Variants in TMEM120A observed in about 807,000 individuals in gnomAD.
TMEM120A encodes the protein ion channel TACAN.
Under a neutral mutation model 54.3 loss-of-function variants are expected in TMEM120A, and 45 were observed. That is an observed-to-expected ratio of 0.83 (90% confidence interval 0.65 to 1.06). The LOEUF is 1.06. TMEM120A is among the 50% of genes least tolerant of loss of function. The pLI is 0.00. For synonymous variants in TMEM120A, 204 were observed against 178.5 expected (o/e 1.14, Z -1.14); for missense variants, 424 against 441.7 (o/e 0.96, Z 0.36).
intron 1 of TMEM120A, 45 bp downstream of exon 1, chr7:75,994,445 C>T (rs1445306640): frequency 2.6e-6 from 4 of 1,519,650 alleles, no homozygotes; most frequent in East Asian, 2.5e-5. Context: ...CCTGAGCCAG[C>T]GAGACGCGGC....
chr7:75,992,354 G>C (rs1431448249), intron 2 of TMEM120A, 85 bp downstream of exon 2: 1 of 1,549,566 alleles, frequency 6.5e-7, no homozygotes, highest in African/African-American at 1.4e-5. Context: ...GGCCCAGAGA[G>C]GGGAGGGGCG....
chr7:75,987,738 T>C lies in TMEM120A; in HGVS notation c.764A>G (p.His255Arg). The stretch of plus-strand genomic sequence containing the variant: ...CTCACCCACAGTGAGGTCCATGGTG[T>C]GCCGCTCGCCCAGCGCCCGCAGGCG... ...LYRLRALGERHTMDLTVEGFQ... is the reference protein window; with the variant it reads ...LYRLRALGERRTMDLTVEGFQ... Residue 255 changes from histidine (H) to arginine (R), a missense_variant, in exon 9 of 12, where the codon CAC (histidine) becomes CGC (arginine). Physicochemically the swap from His to Arg is conservative, Grantham distance 29. Transcript: ENST00000493111. The C allele has an allele frequency of 6.2e-7, 1 of 1,612,330 alleles. No homozygotes were observed. Among genetic ancestry groups the C allele is most frequent in the Non-Finnish European group, 8.5e-7 (1 of 1,179,762 alleles).
intron 4 of TMEM120A, 88 bp downstream of exon 4, chr7:75,989,077 T>TGGAGGGATGGAGGTTGAGGGGG (rs1789719980): frequency 4.5e-6 from 1 of 222,182 alleles, no homozygotes; most frequent in Non-Finnish European, 8.5e-6. Context: ...GAAGGCTGGG[T>TGGAGGGATGGAGGTTGAGGGGG]GGAGGGGTGG....
At position 75,987,987 on chromosome 7, in the gene TMEM120A, A is replaced by G; in HGVS notation, c.630-3T>C. 5.0e-6 allele frequency: 8 copies of G among 1,599,688 alleles called. No individual in the cohort carries two copies. Among genetic ancestry groups the G allele is most frequent in the Non-Finnish European group, 6.8e-6 (8 of 1,173,732 alleles). ...TCTGGTACATGAGACCGTCGGGCCT[A>G]AGGTAAAAAGTGGAGGGCAGTGTGG... On this transcript the variant is annotated splice_region_variant and splice_polypyrimidine_tract_variant and intron_variant, in intron 7 of 11. Coordinates refer to ENST00000493111, the MANE Select transcript of TMEM120A (RefSeq NM_031925.3).
chr7:75,989,540 G>A (rs758384152), intron 3 of TMEM120A, among the ~76,000 whole-genome samples: 1 of 143,644 alleles, frequency 7.0e-6, no homozygotes, highest in African/African-American at 2.6e-5. Context: ...GCTGAGGGCC[G>A]TCCCCCTGTC....
In TMEM120A at chr7:75,988,571, C is replaced by A. The variant is rs542393996; in HGVS notation, c.378-55G>T. ...GGGTGCTGGTGGGGCCCATGTGTGC[C>A]CCCACCCCGGGAGGGCAGCTGAGCC... On this transcript the variant is annotated intron_variant, in intron 4 of 11. Transcript: ENST00000493111. 3 of 1,344,370 alleles carry A rather than the reference C, an allele frequency of 2.2e-6. No individual in the cohort carries two copies. In the African/African-American group the frequency reaches 5.2e-5, roughly 23 times the overall value. 83.3% of individuals were successfully genotyped at this position (1,344,370 alleles called of 1,614,324 possible).
chr7:75,994,122 G>A (rs1789959495), intron 1 of TMEM120A, among the ~76,000 whole-genome samples: 1 of 152,222 alleles, frequency 6.6e-6, no homozygotes, highest in African/African-American at 2.4e-5. Flanking sequence ...CCCCGACCTG[G>A]GCTGCCTCTC....
In TMEM120A at chr7:75,988,216, T is replaced by C. The variant is rs1789626919; in HGVS notation, c.563+36A>G. On this transcript the variant is annotated intron_variant, in intron 6 of 11. Transcript: ENST00000493111. Reference sequence around the variant, plus strand: ...TTCCCGGAGGGTCCTGGCACCCCATTCCATGCTCCCCTCCCTCAGGGCCCG... The same window carrying C: ...TTCCCGGAGGGTCCTGGCACCCCATCCCATGCTCCCCTCCCTCAGGGCCCG... 13 of 1,611,642 alleles carry C rather than the reference T, an allele frequency of 8.1e-6. No individual in the cohort carries two copies. The South Asian group carries it at 1.4e-4, about 18-fold the overall frequency.
rs200223794 is a variant in TMEM120A, at chr7:75,987,169, G to A, written c.*3C>T. 410 of 1,593,568 alleles carry A rather than the reference G, an allele frequency of 2.6e-4. No individual in the cohort carries two copies. Among genetic ancestry groups the A allele is most frequent in the Non-Finnish European group, 3.3e-4 (383 of 1,170,912 alleles). ...CTCTGGGCCGGCAGGGGAAGGCCCA[G>A]CCTCAATCCTTCTTGCTCCCGTGCC... On this transcript the variant is annotated 3_prime_UTR_variant, in exon 12 of 12. Transcript: ENST00000493111.
intron 3 of TMEM120A, among the ~76,000 whole-genome samples, chr7:75,991,397 T>A (rs1789839537): frequency 6.6e-6 from 1 of 152,038 alleles, no homozygotes; most frequent in African/African-American, 2.4e-5. Flanking sequence ...GCCTCATTTT[T>A]TTTATTTATT....
chr7:75,988,417 C>A lies in TMEM120A; in HGVS notation c.473+4G>T, dbSNP rs1029478910. 1 of 1,611,020 alleles carries A rather than the reference C, an allele frequency of 6.2e-7. No individual in the cohort carries two copies. On this transcript the variant is annotated splice_donor_region_variant and intron_variant, in intron 5 of 11. Transcript: ENST00000493111. ...TGGGTCCTCGGCCGGGGTGGGACGC[C>A]CACCTGGAGTTGAGCAGGAAGCGGC...
Position 75,992,195 on chromosome 7 carries a change from T to C in TMEM120A, c.266A>G (p.Glu89Gly), listed in dbSNP as rs782753035. The C allele has an allele frequency of 6.2e-7, 1 of 1,612,424 alleles. No homozygotes were observed. The change falls in exon 3 of 12, where the codon GAG (glutamate) becomes GGG (glycine). Residue 89 changes from glutamate to glycine, a missense_variant. Physicochemically the swap from Glu to Gly is moderately conservative, Grantham distance 98 (BLOSUM62 -2). Coordinates refer to ENST00000493111, the MANE Select transcript of TMEM120A (RefSeq NM_031925.3). Reference protein sequence around the residue: ...AAQELENQMKERQGLFFDMEA... With the variant: ...AAQELENQMKGRQGLFFDMEA... ...CATGTCAAAGAAGAGGCCTTGGCGC[T>C]CTTTCATCTGGTTCTCCAGCTCCTG...
Position 75,987,916 on chromosome 7 carries a change from C to T in TMEM120A, c.691+7G>A, listed in dbSNP as rs1554560392. The T allele has an allele frequency of 6.2e-7, 1 of 1,602,776 alleles. No individual in the cohort carries two copies. Among genetic ancestry groups the T allele is most frequent in the Non-Finnish European group, 8.5e-7 (1 of 1,175,234 alleles). On this transcript the variant is annotated splice_region_variant and intron_variant, in intron 8 of 11. Transcript: ENST00000493111. The stretch of plus-strand genomic sequence containing the variant: ...CAGGGCTCAGCACAGACATCTGGGA[C>T]ACTCACTCTGGTACATGGAAAAGGA...
At chr7:75,990,633 C>T (rs1789804522) in intron 3 of TMEM120A, among the ~76,000 whole-genome samples, 1 of 152,112 alleles carries the variant, frequency 6.6e-6, no homozygotes, top group South Asian at 2.1e-4. Flanking sequence ...CACCTGTAAT[C>T]CCAGCACTTT....
Position 75,987,731 on chromosome 7 carries a change from C to A in TMEM120A, c.771G>T (p.Met257Ile). The A allele has an allele frequency of 6.2e-7, 1 of 1,612,320 alleles. No individual in the cohort carries two copies. Residue 257 changes from methionine to isoleucine, a missense_variant, in exon 9 of 12, where the codon ATG becomes ATT. By Grantham distance (10) the Met-to-Ile change is conservative. Coordinates refer to ENST00000493111, the MANE Select transcript of TMEM120A (RefSeq NM_031925.3). ...RLRALGERHTMDLTVEGFQSW... is the reference protein window; with the variant it reads ...RLRALGERHTIDLTVEGFQSW... Reference sequence around the variant, plus strand: ...CTCCCGACTCACCCACAGTGAGGTCCATGGTGTGCCGCTCGCCCAGCGCCC... The same window carrying A: ...CTCCCGACTCACCCACAGTGAGGTCAATGGTGTGCCGCTCGCCCAGCGCCC...
rs367841388 is a variant in TMEM120A at position 75,994,557 on chromosome 7, G to C, written c.14C>G (p.Pro5Arg). The C allele has an allele frequency of 1.0e-4, 158 of 1,549,748 alleles. No individual in the cohort carries two copies. The African/African-American group carries it at 1.7e-3, about 17-fold the overall frequency. MQPP[P>R]PGPLGDCLRD... ...CAGGCAGTCGCCCAGCGGGCCCGGG[G>C]GCGGGGGCTGCATGGCTGCAGCGCC... The change falls in exon 1 of 12, where the codon CCC becomes CGC. Residue 5 changes from proline to arginine, a missense_variant. Pro to Arg is a moderately radical substitution (Grantham distance 103). Coordinates refer to ENST00000493111, the MANE Select transcript of TMEM120A (RefSeq NM_031925.3).
intron 3 of TMEM120A, among the ~76,000 whole-genome samples, chr7:75,989,460 C>T (rs188009865): frequency 1.7e-4 from 26 of 149,808 alleles, no homozygotes; most frequent in African/African-American, 5.4e-4. Context: ...CAGTGTTCCC[C>T]CCCATCTCCA....
chr7:75,990,698 A>C (rs1202151799), intron 3 of TMEM120A, among the ~76,000 whole-genome samples: 1 of 152,036 alleles, frequency 6.6e-6, no homozygotes, highest in Non-Finnish European at 1.5e-5. Flanking sequence ...AGCCTGACCA[A>C]CATGGTGAAA....
chr7:75,992,860 T>G (rs1789903446), intron 1 of TMEM120A, among the ~76,000 whole-genome samples: 1 of 152,206 alleles, frequency 6.6e-6, no homozygotes, highest in Admixed American at 6.5e-5. Flanking sequence ...TGAAGTGCAA[T>G]GGCAGGATCT....
Sources: allele counts gnomAD v4.1 joint callset (sites outside exome capture counted in the v4.1 genomes callset), GRCh38; gene constraint gnomAD v4.1.1; transcripts MANE v1.5; gene names NCBI Gene and HGNC (gene_info 2026-07-23, HGNC 2026-07-21).